ACSL3: variants seen among roughly 807,000 people sequenced by gnomAD.
ACSL3 encodes acyl-CoA synthetase long chain family member 3.
In ACSL3, 34 loss-of-function variants were observed where a neutral mutation model predicts 84.7. That is an observed-to-expected ratio of 0.40 (90% confidence interval 0.31 to 0.53). The LOEUF (loss-of-function observed/expected upper bound fraction) is 0.53, where lower values mean the gene tolerates loss of function less well. Ranked by LOEUF, ACSL3 falls within the 20% of genes least tolerant of loss-of-function variation. The pLI, the probability that ACSL3 is intolerant of heterozygous loss-of-function variation, is 0.48. For synonymous variants in ACSL3, 315 were observed against 299.4 expected (o/e 1.05, Z -0.54); for missense variants, 680 against 873.1 (o/e 0.78, Z 2.79).
At chr2:222,867,891 G>A (rs901801939) in intron 1 of ACSL3, among the ~76,000 whole-genome samples, 2 of 150,482 alleles carry the variant, frequency 1.3e-5, no homozygotes, top group African/African-American at 2.4e-5. Flanking sequence ...ACCATTCTTT[G>A]TCCATTATAC....
At chr2:222,861,440 G>A (rs1559270780) in intron 1 of ACSL3, 182 bp downstream of exon 1, 1 of 152,112 alleles carries the variant, frequency 6.6e-6, no homozygotes, top group Non-Finnish European at 1.5e-5. Flanking sequence ...CGGCGAGCAG[G>A]GTGGGAGGCG....
At chr2:222,871,465 A>T (rs1695301178) in intron 1 of ACSL3, among the ~76,000 whole-genome samples, 1 of 152,224 alleles carries the variant, frequency 6.6e-6, no homozygotes, top group South Asian at 2.1e-4. Flanking sequence ...AAAGATGTGT[A>T]AAGTGCTTAT....
chr2:222,865,794 C>CTGTGTGTGTGTGTGTG (rs3219912), intron 1 of ACSL3, among the ~76,000 whole-genome samples: 141 of 150,114 alleles, frequency 9.4e-4, no homozygotes, highest in East Asian at 2.2e-3. Context: ...TTTGGATCCT[C>CTGTGTGTGTGTGTGTG]TGTGTGTGTG....
At chr2:222,918,795 C>A (rs900211682) in intron 6 of ACSL3, among the ~76,000 whole-genome samples, 5 of 151,610 alleles carry the variant, frequency 3.3e-5, no homozygotes, top group African/African-American at 1.2e-4. Context: ...TGTTTACATG[C>A]CCGTTTTATA....
At chr2:222,877,996 G>T (rs897731712) in intron 1 of ACSL3, among the ~76,000 whole-genome samples, 1 of 150,584 alleles carries the variant, frequency 6.6e-6, no homozygotes, top group Non-Finnish European at 1.5e-5. Context: ...CTCCTTCAGG[G>T]AGAGTAAGTT....
At chr2:222,915,241 TGA>T (rs1238423681) in intron 4 of ACSL3, among the ~76,000 whole-genome samples, 1 of 151,114 alleles carries the variant, frequency 6.6e-6, no homozygotes, top group Non-Finnish European at 1.5e-5. Flanking sequence ...AAGAGCAAGG[TGA>T]GAGTTTGGGA....
At chr2:222,909,561 A>G (rs1040420694) in intron 4 of ACSL3, 1 of 161,074 alleles carries the variant, frequency 6.2e-6, no homozygotes. Context: ...TGGCAGTTGC[A>G]TGGTTCTTAA....
chr2:222,918,176 C>A, intron 6 of ACSL3, 21 bp downstream of exon 6: 2 of 1,511,146 alleles, frequency 1.3e-6, no homozygotes, highest in Middle Eastern at 1.7e-4. Context: ...TAGTTACTTT[C>A]TAACTGTCTG....
At chr2:222,936,859 A>AAGAG (rs959061099) in intron 16 of ACSL3, among the ~76,000 whole-genome samples, 61 of 151,366 alleles carry the variant, frequency 4.0e-4, no homozygotes, top group African/African-American at 1.4e-3. Context: ...AGAGCAAATG[A>AAGAG]AGAGAGAGAG....
intron 3 of ACSL3, among the ~76,000 whole-genome samples, chr2:222,904,253 A>G (rs1175703907): frequency 6.6e-6 from 1 of 151,082 alleles, no homozygotes; most frequent in East Asian, 2.0e-4. Flanking sequence ...CCTGGGCAAC[A>G]AGAGCGAAAC....
chr2:222,916,418 A>C lies in ACSL3; in HGVS notation c.478A>C (p.Thr160Pro), dbSNP rs772285803. 4 of 1,614,128 alleles carry C rather than the reference A, an allele frequency of 2.5e-6. No homozygotes were observed. In the South Asian group the frequency reaches 4.4e-5, roughly 18 times the overall value. ...ACAGATGTTGGGTCAGAAACCAAAG[A>C]CCAACATCGCCATCTTCTGTGAGAC... ...GLQMLGQKPKTNIAIFCETRA... is the reference protein window; with the variant it reads ...GLQMLGQKPKPNIAIFCETRA... The change falls in exon 5 of 17, where the codon ACC becomes CCC. Residue 160 changes from threonine (T) to proline (P), a missense_variant. Thr to Pro is a conservative substitution (Grantham distance 38). Around this residue, in one of 2 missense-constraint regions of ACSL3, gnomAD observed 333 missense variants for 347.5 expected, o/e 0.96. Coordinates refer to ENST00000357430, the MANE Select transcript of ACSL3 (RefSeq NM_004457.5).
chr2:222,901,819 C>T (rs893808508), intron 3 of ACSL3, among the ~76,000 whole-genome samples: 3 of 151,834 alleles, frequency 2.0e-5, no homozygotes, highest in African/African-American at 7.3e-5. Context: ...ATTGAGCACG[C>T]CTGTAGTCTC....
chr2:222,922,945 C>G (rs1696779644), intron 9 of ACSL3, 114 bp downstream of exon 9: 23 of 1,455,088 alleles, frequency 1.6e-5, no homozygotes, highest in Admixed American at 1.5e-4. Flanking sequence ...TTAAAATGAG[C>G]TTTAGCCTTT....
At chr2:222,921,724 T>A (rs1163539502) in intron 8 of ACSL3, among the ~76,000 whole-genome samples, 1 of 152,218 alleles carries the variant, frequency 6.6e-6, no homozygotes, top group Non-Finnish European at 1.5e-5. Flanking sequence ...TTTTTATATC[T>A]AAATACAATT....
At chr2:222,899,448 C>A (rs910231118) in intron 2 of ACSL3, among the ~76,000 whole-genome samples, 12 of 151,956 alleles carry the variant, frequency 7.9e-5, no homozygotes, top group African/African-American at 2.9e-4. Context: ...GCTCTCCAGC[C>A]AGGCAACGGA....
chr2:222,930,245 T>C (rs1417267006), intron 13 of ACSL3, among the ~76,000 whole-genome samples: 2 of 152,166 alleles, frequency 1.3e-5, no homozygotes, highest in Non-Finnish European at 2.9e-5. Flanking sequence ...CATTCTTATA[T>C]AGGGATTTGT....
chr2:222,922,729 A>T lies in ACSL3; in HGVS notation c.978A>T (p.Gly326=). Reference sequence around the variant, plus strand: ...TTAGAGAGGAAGATGTCTACATTGGATATTTGCCTCTGGCCCATGTTCTAG... The same window carrying T: ...TTAGAGAGGAAGATGTCTACATTGGTTATTTGCCTCTGGCCCATGTTCTAG... ...PELGEEDVYI[G]YLPLAHVLEL... The change falls in exon 9 of 17, where the codon GGA becomes GGT. Residue 326 remains glycine, a synonymous_variant. Transcript: ENST00000357430. The T allele has an allele frequency of 6.2e-7, 1 of 1,614,064 alleles. No individual in the cohort carries two copies. The highest frequency in any genetic ancestry group is 8.5e-7 in the Non-Finnish European group (1 of 1,179,980).
chr2:222,924,944 C>T (rs533877436), intron 11 of ACSL3, among the ~76,000 whole-genome samples: 3 of 151,286 alleles, frequency 2.0e-5, no homozygotes, highest in Non-Finnish European at 4.4e-5. Flanking sequence ...GAGAATGGTG[C>T]GAACCCAGGA....
At chr2:222,896,452 G>T (rs1468125849) in intron 2 of ACSL3, among the ~76,000 whole-genome samples, 2 of 21,828 alleles carry the variant, frequency 9.2e-5, no homozygotes, top group Non-Finnish European at 1.9e-4. Flanking sequence ...CCTCCCGGAC[G>T]GGGCGGCTGG....
Sources: allele counts gnomAD v4.1 joint callset (sites outside exome capture counted in the v4.1 genomes callset), GRCh38; gene constraint gnomAD v4.1.1; regional missense constraint gnomAD v4.1.1; transcripts MANE v1.5; gene names NCBI Gene and HGNC (gene_info 2026-07-23, HGNC 2026-07-21).